ZMPSTE24: variants seen among roughly 807,000 people sequenced by gnomAD.
ZMPSTE24 encodes the protein zinc metallopeptidase STE24, also known as CAAX prenyl protease 1 homolog.
A neutral mutation model predicts 56.7 loss-of-function variants in ZMPSTE24; 48 were observed. The ratio of observed to expected loss-of-function variants is 0.85; its 90% CI spans 0.67 to 1.08. The LOEUF (loss-of-function observed/expected upper bound fraction) is 1.08, where lower values mean the gene tolerates loss of function less well. ZMPSTE24 is among the 50% of genes least tolerant of loss of function. The probability of loss-of-function intolerance (pLI) is 0.00; values close to 1 mark genes in which losing one functional copy is unlikely to be tolerated. For synonymous variants in ZMPSTE24, 172 were observed against 195.2 expected (o/e 0.88, Z 0.99); for missense variants, 503 against 548.7 (o/e 0.92, Z 0.83).
At chr1:40,269,339 G>A (rs1337898631) in intron 4 of ZMPSTE24, among the ~76,000 whole-genome samples, 1 of 151,816 alleles carries the variant, frequency 6.6e-6, no homozygotes, top group Non-Finnish European at 1.5e-5. Flanking sequence ...AGGCTACGGT[G>A]AGCCATCATT....
At chr1:40,265,009 G>C (rs181832002) in intron 2 of ZMPSTE24, among the ~76,000 whole-genome samples, 1 of 151,646 alleles carries the variant, frequency 6.6e-6, no homozygotes, top group Non-Finnish European at 1.5e-5. Flanking sequence ...TGTCAACATA[G>C]AGACATTGTA....
intron 8 of ZMPSTE24, among the ~76,000 whole-genome samples, chr1:40,289,733 A>AT (rs1643821118): frequency 6.6e-6 from 1 of 152,082 alleles, no homozygotes; most frequent in African/African-American, 2.4e-5. Flanking sequence ...TTTGGTATAG[A>AT]TTTTTTATTT....
At chr1:40,278,051 A>G (rs192425900) in intron 6 of ZMPSTE24, among the ~76,000 whole-genome samples, 1 of 152,188 alleles carries the variant, frequency 6.6e-6, no homozygotes, top group East Asian at 1.9e-4. Flanking sequence ...CACAGACAAA[A>G]TAAGCAAACA....
At chr1:40,288,695 T>G (rs1643810030) in intron 8 of ZMPSTE24, among the ~76,000 whole-genome samples, 1 of 152,218 alleles carries the variant, frequency 6.6e-6, no homozygotes, top group Admixed American at 6.5e-5. Context: ...ATGGGACTCT[T>G]TGGGTGAACA....
chr1:40,277,070 T>G (rs1375199324), intron 6 of ZMPSTE24, among the ~76,000 whole-genome samples: 1 of 151,270 alleles, frequency 6.6e-6, no homozygotes, highest in African/African-American at 2.4e-5. Flanking sequence ...AAGCTTACAG[T>G]ACAGTACAGG....
At chr1:40,289,086 A>G (rs1457465966) in intron 8 of ZMPSTE24, among the ~76,000 whole-genome samples, 2 of 152,178 alleles carry the variant, frequency 1.3e-5, no homozygotes, top group Non-Finnish European at 2.9e-5. Flanking sequence ...TGTTCAACTA[A>G]TTGATTATAG....
chr1:40,260,801 A>C, intron 1 of ZMPSTE24, 38 bp from the exon 2 acceptor site: 1 of 1,597,338 alleles, frequency 6.3e-7, no homozygotes. Context: ...TGTAATAAAC[A>C]ACTATTTCAC....
chr1:40,269,073 C>CAAAAAA (rs60201234), intron 4 of ZMPSTE24, among the ~76,000 whole-genome samples: 2 of 46,208 alleles, frequency 4.3e-5, no homozygotes, highest in Non-Finnish European at 5.8e-5. Context: ...GACTCCGTCT[C>CAAAAAA]AAAAAAAAAA....
At chr1:40,288,153 TG>T (rs1643805562) in intron 8 of ZMPSTE24, among the ~76,000 whole-genome samples, 2 of 152,142 alleles carry the variant, frequency 1.3e-5, no homozygotes, top group Non-Finnish European at 2.9e-5. Flanking sequence ...ACTTCCAGCC[TG>T]GGTGACAGAC....
chr1:40,292,917 G>A lies in ZMPSTE24; in HGVS notation c.*248G>A, dbSNP rs1200838897. 1.5e-5 allele frequency: 6 copies of A among 390,482 alleles called. No individual in the cohort carries two copies. The highest frequency in any genetic ancestry group is 2.8e-5 in the Non-Finnish European group (6 of 212,106). 24.2% of individuals were successfully genotyped at this position (390,482 alleles called of 1,614,324 possible). ...TCTTTGACATCTAATTTACCATCAA[G>A]TTGTAAAATTATTTGGAAAAATACA... On this transcript the variant is annotated 3_prime_UTR_variant, in exon 10 of 10. Coordinates refer to ENST00000372759, the MANE Select transcript of ZMPSTE24 (RefSeq NM_005857.5).
intron 6 of ZMPSTE24, among the ~76,000 whole-genome samples, chr1:40,278,327 A>G (rs1036246821): frequency 2.6e-5 from 4 of 152,068 alleles, no homozygotes; most frequent in Admixed American, 2.6e-4. Context: ...TTCACTTAGA[A>G]TATCTCGTGT....
Position 40,290,450 on chromosome 1 carries a change from A to ATTTTTTTTTTTTTTTTTTTTTTTTTTTTT in ZMPSTE24, c.1060-376_1060-375insTTTTTTTTTTTTTTTTTTTTTTTTTTTTT, listed in dbSNP as rs996301433. Reference sequence around the variant, plus strand: ...TACCTTTCTTAAAATCACACTATGAATTTTTTTTTTTTTTTTTTTTTTTTT... The same window carrying ATTTTTTTTTTTTTTTTTTTTTTTTTTTTT: ...TACCTTTCTTAAAATCACACTATGAATTTTTTTTTTTTTTTTTTTTTTTTTTTTTTTTTTTTTTTTTTTTTTTTTTTTTT... On this transcript the variant is annotated intron_variant, in intron 8 of 9. Coordinates refer to ENST00000372759, the MANE Select transcript of ZMPSTE24 (RefSeq NM_005857.5). Among the ~76,000 whole-genome samples the ATTTTTTTTTTTTTTTTTTTTTTTTTTTTT allele has an allele frequency of 4.8e-5, 4 of 82,590 alleles. 1 individual carries two copies. The highest frequency in any genetic ancestry group is 3.5e-4 in the East Asian group (1 of 2,874). 54.2% of individuals were successfully genotyped at this position (82,590 alleles called of 152,430 possible).
In ZMPSTE24 at chr1:40,267,781, T is replaced by G. The variant is rs772207765; in HGVS notation, c.271-5T>G. 1.2e-6 allele frequency: 2 copies of G among 1,604,474 alleles called. No homozygotes were observed. Among genetic ancestry groups the G allele is most frequent in the African/African-American group, 1.3e-5 (1 of 74,748 alleles). On this transcript the variant is annotated splice_region_variant and splice_polypyrimidine_tract_variant and intron_variant, in intron 2 of 9. Coordinates refer to ENST00000372759, the MANE Select transcript of ZMPSTE24 (RefSeq NM_005857.5). ...ACTGTGATCAAAGTATGCTTTGTTT[T>G]ATAGCTTATTCTTCTCTTTGGAGGA... is the stretch of plus-strand genomic sequence containing the variant.
rs1643855761 is a variant in ZMPSTE24, at chr1:40,292,648, G to A, written c.1407G>A (p.Leu469=). 6.2e-7 allele frequency: 1 copy of A among 1,613,850 alleles called. No homozygotes were observed. The highest frequency in any genetic ancestry group is 8.5e-7 in the Non-Finnish European group (1 of 1,179,928). The change falls in exon 10 of 10, where the codon TTG becomes TTA. Residue 469 remains leucine, a synonymous_variant. Transcript: ENST00000372759. ...CACTGCTAGAGAGACTTCAAGCTTT[G>A]AAAACTATGAAGCAACACTGAGATG... The part of the protein sequence containing the change: ...HPPLLERLQA[L]KTMKQH
At chr1:40,258,886 G>T (rs986039935) in intron 1 of ZMPSTE24, among the ~76,000 whole-genome samples, 2 of 152,098 alleles carry the variant, frequency 1.3e-5, no homozygotes, top group Non-Finnish European at 2.9e-5. Context: ...GGCCCGGCGT[G>T]GTGTCTCATG....
intron 6 of ZMPSTE24, among the ~76,000 whole-genome samples, chr1:40,276,036 G>A (rs564831282): frequency 1.3e-5 from 2 of 152,250 alleles, no homozygotes; most frequent in African/African-American, 4.8e-5. Context: ...CAGGGCATGG[G>A]GCTAGCTGCT....
chr1:40,266,639 C>T (rs1643551170), intron 2 of ZMPSTE24, among the ~76,000 whole-genome samples: 1 of 152,060 alleles, frequency 6.6e-6, no homozygotes, highest in Non-Finnish European at 1.5e-5. Flanking sequence ...TGACTCTCCA[C>T]TTCTGTGCTT....
At chr1:40,291,871 C>T (rs1016693939) in intron 9 of ZMPSTE24, among the ~76,000 whole-genome samples, 7 of 147,018 alleles carry the variant, frequency 4.8e-5, no homozygotes, top group African/African-American at 7.6e-5. Context: ...GATGGAGTCT[C>T]GCTCTGTCTC....
chr1:40,260,530 A>G (rs1269758594), intron 1 of ZMPSTE24, among the ~76,000 whole-genome samples: 1 of 152,186 alleles, frequency 6.6e-6, no homozygotes, highest in Non-Finnish European at 1.5e-5. Flanking sequence ...GGAGGTATGT[A>G]ATACCCAGAA....
Sources: allele counts gnomAD v4.1 joint callset (sites outside exome capture counted in the v4.1 genomes callset), GRCh38; gene constraint gnomAD v4.1.1; transcripts MANE v1.5; gene names NCBI Gene and HGNC (gene_info 2026-07-23, HGNC 2026-07-21).